The following ENOX1 variants were observed in gnomAD, a reference collection of about 807,000 sequenced individuals.
ENOX1 encodes the protein ecto-NOX disulfide-thiol exchanger 1.
ENOX1 carries 42 observed loss-of-function variants against 82.5 expected under a neutral mutation model. That is an observed-to-expected ratio of 0.51 (90% confidence interval 0.40 to 0.66). ENOX1 has a LOEUF of 0.66. Among genes scored for constraint, ENOX1 ranks in the 30% least tolerant of loss-of-function variants. The pLI is 0.00. For synonymous variants in ENOX1, 271 were observed against 282.2 expected, an observed-to-expected ratio of 0.96 and a Z score of 0.40; for missense variants, 608 against 811.6, an observed-to-expected ratio of 0.75 and a Z score of 3.05.
At chr13:43,554,967 T>C (rs972607943) in intron 2 of ENOX1, among the ~76,000 whole-genome samples, 16 of 152,326 alleles carry the variant, frequency 1.1e-4, no homozygotes, top group African/African-American at 3.8e-4. Context: ...TAATTATATC[T>C]TGGATGAGAA....
intron 9 of ENOX1, among the ~76,000 whole-genome samples, chr13:43,338,213 T>C (rs1377430785): frequency 6.6e-6 from 1 of 152,234 alleles, no homozygotes; most frequent in Non-Finnish European, 1.5e-5. Context: ...AGTCCATGCT[T>C]CCTGAACTTT....
At chr13:43,466,234 A>G (rs2057713802) in intron 3 of ENOX1, among the ~76,000 whole-genome samples, 4 of 152,162 alleles carry the variant, frequency 2.6e-5, no homozygotes, top group Admixed American at 2.6e-4. Context: ...TGACGATTCA[A>G]TGGAAACAGA....
At chr13:43,465,621 G>GT (rs2057684525) in intron 3 of ENOX1, among the ~76,000 whole-genome samples, 1 of 152,092 alleles carries the variant, frequency 6.6e-6, no homozygotes, top group Admixed American at 6.5e-5. Flanking sequence ...ACTGCTCCCA[G>GT]GCCCCCTCAG....
At chr13:43,467,714 C>T (rs1047826142) in intron 3 of ENOX1, among the ~76,000 whole-genome samples, 5 of 152,024 alleles carry the variant, frequency 3.3e-5, no homozygotes, top group African/African-American at 1.2e-4. Flanking sequence ...TTTGGTGTTT[C>T]ACTCAAGAAA....
chr13:43,726,753 T>TGTGTGTGAGA (rs60690794), intron 1 of ENOX1, among the ~76,000 whole-genome samples: 4 of 141,056 alleles, frequency 2.8e-5, no homozygotes, highest in Non-Finnish European at 6.0e-5. Flanking sequence ...TGTGTGTGTG[T>TGTGTGTGAGA]GAGAGAGAGA....
intron 5 of ENOX1, among the ~76,000 whole-genome samples, chr13:43,375,552 C>T (rs1265349746): frequency 6.6e-6 from 1 of 152,192 alleles, no homozygotes; most frequent in Non-Finnish European, 1.5e-5. Flanking sequence ...ATGCAGATAC[C>T]TGGGCACATA....
intron 2 of ENOX1, among the ~76,000 whole-genome samples, chr13:43,493,684 A>T (rs9567201): frequency 0.13 from 20,512 of 152,192 alleles, 2,001 homozygotes; most frequent in East Asian, 0.49. Context: ...CCCTGGGGGC[A>T]GGCCTATCAT....
At chr13:43,309,274 G>A (rs564126262) in intron 11 of ENOX1, among the ~76,000 whole-genome samples, 29 of 152,020 alleles carry the variant, frequency 1.9e-4, no homozygotes, top group African/African-American at 6.5e-4. Context: ...CGCCTACCTC[G>A]GCCTCCCAAA....
intron 1 of ENOX1, among the ~76,000 whole-genome samples, chr13:43,754,523 G>C (rs559940866): frequency 6.6e-6 from 1 of 151,218 alleles, no homozygotes; most frequent in South Asian, 2.1e-4. Flanking sequence ...AGCAGAGACG[G>C]GGTTTCACCA....
chr13:43,774,325 T>C (rs1487617859), intron 1 of ENOX1, among the ~76,000 whole-genome samples: 1 of 152,136 alleles, frequency 6.6e-6, no homozygotes, highest in Non-Finnish European at 1.5e-5. Context: ...AAAGGGTGTA[T>C]AGAGTACTAC....
intron 2 of ENOX1, among the ~76,000 whole-genome samples, chr13:43,643,127 A>C (rs567445411): frequency 3.9e-5 from 6 of 152,340 alleles, no homozygotes; most frequent in Admixed American, 3.9e-4. Flanking sequence ...CCTGTCGCAC[A>C]AATGTGCAAG....
chr13:43,371,098 C>A (rs187189610), intron 5 of ENOX1, among the ~76,000 whole-genome samples: 1 of 152,032 alleles, frequency 6.6e-6, no homozygotes, highest in African/African-American at 2.4e-5. Flanking sequence ...TCTTTCTGTA[C>A]GATGTTATGT....
intron 5 of ENOX1, among the ~76,000 whole-genome samples, chr13:43,391,838 A>G (rs1327234344): frequency 6.6e-6 from 1 of 152,172 alleles, no homozygotes; most frequent in African/African-American, 2.4e-5. Flanking sequence ...ATTAAATTCA[A>G]TCATAGAATC....
At chr13:43,509,874 C>G (rs556748903) in intron 2 of ENOX1, among the ~76,000 whole-genome samples, 1 of 152,064 alleles carries the variant, frequency 6.6e-6, no homozygotes, top group East Asian at 1.9e-4. Flanking sequence ...ACCCCCAACA[C>G]CCACCCTTTC....
chr13:43,392,908 T>C (rs1566105697), intron 5 of ENOX1, among the ~76,000 whole-genome samples: 1 of 152,214 alleles, frequency 6.6e-6, no homozygotes, highest in East Asian at 1.9e-4. Context: ...TGAAGAAATA[T>C]CTTTGCTGTG....
intron 2 of ENOX1, among the ~76,000 whole-genome samples, chr13:43,505,986 C>G (rs1265374136): frequency 1.3e-5 from 2 of 151,972 alleles, no homozygotes; most frequent in East Asian, 3.9e-4. Flanking sequence ...CCAGTTTTCC[C>G]AGCACCATTT....
rs147508135 is a variant in ENOX1 at position 43,582,801 on chromosome 13, TA to T, written c.-219+84677del. ...ATGTTGCCTAGGCTAAAGACCTTTT[TA>T]AAAATTATAATTGATTCCTTTGCTC... On this transcript the variant is annotated intron_variant, in intron 2 of 16. Transcript: ENST00000690772. Among the ~76,000 whole-genome samples the T allele has an allele frequency of 2.5e-3, 387 of 152,300 alleles. 1 individual carries two copies. Among genetic ancestry groups the T allele is most frequent in the African/African-American group, 8.9e-3 (371 of 41,552 alleles).
chr13:43,346,531 C>T (rs1418381369), intron 8 of ENOX1, among the ~76,000 whole-genome samples: 2 of 152,216 alleles, frequency 1.3e-5, no homozygotes, highest in South Asian at 2.1e-4. Flanking sequence ...GCACAGAACA[C>T]ACTTACTGAG....
At chr13:43,395,084 C>T (rs2053055884) in intron 5 of ENOX1, among the ~76,000 whole-genome samples, 1 of 151,824 alleles carries the variant, frequency 6.6e-6, no homozygotes, top group Non-Finnish European at 1.5e-5. Flanking sequence ...TGGGGCAGAT[C>T]ACTAAGGTTT....
Sources: gnomAD v4.1 joint callset for allele counts (sites outside exome capture counted in the v4.1 genomes callset) on GRCh38, gnomAD v4.1.1 for gene constraint, MANE v1.5 for transcripts, NCBI Gene and HGNC (gene_info 2026-07-23, HGNC 2026-07-21) for gene names.